KREMEN1: variants seen among roughly 807,000 people sequenced by gnomAD.
The protein encoded by KREMEN1 is kremen protein 1.
KREMEN1 carries 30 observed loss-of-function variants against 46.5 expected under a neutral mutation model. The ratio of observed to expected loss-of-function variants is 0.65; its 90% CI spans 0.48 to 0.88. The LOEUF is 0.88. Among genes scored for constraint, KREMEN1 ranks in the 40% least tolerant of loss-of-function variants. The pLI is 0.00. For missense variants in KREMEN1, 533 were observed against 596.9 expected (o/e 0.89, Z 1.11); for synonymous variants, 214 against 230.6 (o/e 0.93, Z 0.65).
intron 7 of KREMEN1, 33 bp downstream of exon 7, chr22:29,138,815 G>A: frequency 6.2e-7 from 1 of 1,614,206 alleles, no homozygotes; most frequent in Non-Finnish European, 8.5e-7. Flanking sequence ...CATGGGGGCT[G>A]GAAGCCACAG....
chr22:29,126,133 C>T (rs2038438366), intron 5 of KREMEN1, among the ~76,000 whole-genome samples: 1 of 148,584 alleles, frequency 6.7e-6, no homozygotes, highest in Admixed American at 6.7e-5. Flanking sequence ...AAAAAAGGCT[C>T]GAGATTACCA....
At chr22:29,079,222 C>A (rs545376377) in intron 1 of KREMEN1, among the ~76,000 whole-genome samples, 2 of 152,218 alleles carry the variant, frequency 1.3e-5, no homozygotes, top group Non-Finnish European at 2.9e-5. Context: ...TCCTTCCCCT[C>A]CTTTTAAATT....
At chr22:29,155,959 CAAA>C (rs11320591) in intron 9 of KREMEN1, among the ~76,000 whole-genome samples, 60 of 147,910 alleles carry the variant, frequency 4.1e-4, no homozygotes, top group Non-Finnish European at 4.9e-4. Flanking sequence ...AACTCCATCT[CAAA>C]AAAAAAAAAA....
chr22:29,128,748 A>G (rs769494802), intron 5 of KREMEN1, among the ~76,000 whole-genome samples: 2 of 152,164 alleles, frequency 1.3e-5, no homozygotes, highest in East Asian at 1.9e-4. Context: ...CCTTGTAGCA[A>G]TCCTGTTGAT....
chr22:29,118,484 C>T (rs2038278767), intron 3 of KREMEN1, among the ~76,000 whole-genome samples: 2 of 152,112 alleles, frequency 1.3e-5, no homozygotes. Context: ...ACATTTATTT[C>T]TCATAGTTCA....
intron 4 of KREMEN1, among the ~76,000 whole-genome samples, chr22:29,123,485 C>T (rs1351840056): frequency 6.6e-6 from 1 of 152,050 alleles, no homozygotes; most frequent in Non-Finnish European, 1.5e-5. Flanking sequence ...ATACAGATGA[C>T]AAATAAGCAC....
intron 5 of KREMEN1, among the ~76,000 whole-genome samples, chr22:29,131,702 A>G (rs1307335911): frequency 2.6e-4 from 24 of 93,332 alleles, no homozygotes; most frequent in Non-Finnish European, 4.6e-4. Context: ...ATATATGTGT[A>G]TATATATGTA....
intron 5 of KREMEN1, among the ~76,000 whole-genome samples, chr22:29,132,996 C>T (rs2038586860): frequency 6.6e-6 from 1 of 152,118 alleles, no homozygotes; most frequent in African/African-American, 2.4e-5. Flanking sequence ...TGCCTGTAAT[C>T]CCAGCACTTT....
At chr22:29,121,590 C>T in intron 4 of KREMEN1, 109 bp downstream of exon 4, 2 of 1,185,216 alleles carry the variant, frequency 1.7e-6, no homozygotes, top group Non-Finnish European at 2.4e-6. Flanking sequence ...ACACAAAAGG[C>T]CACATATTGT....
In KREMEN1 at chr22:29,099,707, C is replaced by T. The variant is rs182802646; in HGVS notation, c.352+754C>T. ...CTGGGACTGCAGGCGTGCACCACCA[C>T]GCCCAGCTAATTTTTGTGTTTTAGT... On this transcript the variant is annotated intron_variant, in intron 3 of 8. Coordinates refer to ENST00000400335, the MANE Select transcript of KREMEN1 (RefSeq NM_001039570.3). Among the ~76,000 whole-genome samples, 682 of 152,096 alleles carry T rather than the reference C, an allele frequency of 4.5e-3. 1 individual carries two copies. Among genetic ancestry groups the T allele is most frequent in the Middle Eastern group, 0.017 (5 of 294 alleles).
intron 1 of KREMEN1, among the ~76,000 whole-genome samples, chr22:29,081,140 TC>T (rs2037649293): frequency 6.6e-6 from 1 of 151,796 alleles, no homozygotes. Flanking sequence ...CCCTCCCCAC[TC>T]CCCCCGTCCT....
downstream of KREMEN1, among the ~76,000 whole-genome samples, chr22:29,148,947 G>A (rs1601819245): frequency 6.6e-6 from 1 of 152,010 alleles, no homozygotes; most frequent in South Asian, 2.1e-4. Context: ...CGTGGCTCTC[G>A]GTGGGATGCA....
In KREMEN1 at chr22:29,137,378, T is replaced by C. The variant is rs756468721; in HGVS notation, c.668T>C (p.Met223Thr). ...GCCTGCGGTGGGAACTACTCAGCCA[T>C]GTCTTCTGTGGTCTATTCCCCTGAC... ...VGACGGNYSAMSSVVYSPDFP... is the reference protein window; with the variant it reads ...VGACGGNYSATSSVVYSPDFP... The change falls in exon 6 of 9, where the codon ATG (methionine) becomes ACG (threonine). Residue 223 changes from methionine (M) to threonine (T), a missense_variant. By Grantham distance (81) the Met-to-Thr change is moderately conservative. Transcript: ENST00000400335. 3 of 1,525,674 alleles carry C rather than the reference T, an allele frequency of 2.0e-6. No individual in the cohort carries two copies. Among genetic ancestry groups the C allele is most frequent in the East Asian group, 2.3e-5 (1 of 43,500 alleles). The allele number at this position is 1,525,674 out of a possible 1,614,324, so 94.5% of individuals were successfully genotyped here. A position where few individuals can be genotyped will look rare whatever the true frequency, so the allele number is the denominator to read the frequency against.
intron 1 of KREMEN1, among the ~76,000 whole-genome samples, chr22:29,083,233 C>G (rs2037683587): frequency 6.6e-6 from 1 of 152,112 alleles, no homozygotes; most frequent in South Asian, 2.1e-4. Context: ...GAGATAGATG[C>G]TTTACATCAG....
At chr22:29,141,136 C>T (rs17451053) in intron 8 of KREMEN1, among the ~76,000 whole-genome samples, 24,651 of 152,186 alleles carry the variant, frequency 0.16, 2,183 homozygotes, top group Non-Finnish European at 0.18. Flanking sequence ...TCTTCCATTG[C>T]GTTGTGAATG....
intron 9 of KREMEN1, among the ~76,000 whole-genome samples, chr22:29,163,492 C>T (rs1280911170): frequency 6.6e-6 from 1 of 152,034 alleles, no homozygotes; most frequent in East Asian, 1.9e-4. Context: ...ATTCTCTTAC[C>T]TCAGTCTCCC....
At chr22:29,074,043 C>T (rs902963581) in intron 1 of KREMEN1, among the ~76,000 whole-genome samples, 7 of 152,236 alleles carry the variant, frequency 4.6e-5, no homozygotes, top group Non-Finnish European at 1.0e-4. Flanking sequence ...CGGCGCCTCC[C>T]CGCGCAGAGC....
At chr22:29,123,134 G>A (rs1210262945) in intron 4 of KREMEN1, among the ~76,000 whole-genome samples, 2 of 151,724 alleles carry the variant, frequency 1.3e-5, no homozygotes, top group African/African-American at 2.4e-5. Flanking sequence ...TTCATGACTT[G>A]AGTTTAGGCA....
intron 1 of KREMEN1, among the ~76,000 whole-genome samples, chr22:29,089,502 A>G (rs2037777296): frequency 6.6e-6 from 1 of 152,166 alleles, no homozygotes; most frequent in South Asian, 2.1e-4. Flanking sequence ...ATCCTTCTAC[A>G]GTAACTACCT....
Sources: gnomAD v4.1 joint callset for allele counts (sites outside exome capture counted in the v4.1 genomes callset) on GRCh38, gnomAD v4.1.1 for gene constraint, MANE v1.5 for transcripts, NCBI Gene and HGNC (gene_info 2026-07-23, HGNC 2026-07-21) for gene names.